The following FBXL18 variants were observed in gnomAD, a reference collection of about 807,000 sequenced individuals.
FBXL18 encodes the protein F-box and leucine rich repeat protein 18.
FBXL18 carries 36 observed loss-of-function variants against 46.0 expected under a neutral mutation model. That is an observed-to-expected ratio of 0.78 (90% CI 0.60 to 1.03). The LOEUF (loss-of-function observed/expected upper bound fraction) is 1.03, where lower values mean the gene tolerates loss of function less well. Among genes scored for constraint, FBXL18 ranks in the 50% least tolerant of loss-of-function variants. The probability of loss-of-function intolerance (pLI) is 0.00; values close to 1 mark genes in which losing one functional copy is unlikely to be tolerated. For synonymous variants in FBXL18, 557 were observed against 465.3 expected (o/e 1.20, Z -2.54); for missense variants, 977 against 1,004.1 (o/e 0.97, Z 0.36).
chr7:5,474,617 G>A (rs987383020), downstream of FBXL18, among the ~76,000 whole-genome samples: 6 of 151,458 alleles, frequency 4.0e-5, no homozygotes, highest in Non-Finnish European at 7.4e-5. Context: ...CCCCCAGCTT[G>A]AACTATGCAC....
intron 4 of FBXL18, among the ~76,000 whole-genome samples, chr7:5,463,347 C>T (rs916606447): frequency 8.6e-5 from 13 of 151,894 alleles, no homozygotes; most frequent in Non-Finnish European, 1.8e-4. Flanking sequence ...AGGGCTGGGG[C>T]AGTGGCTCAG....
intron 1 of FBXL18, among the ~76,000 whole-genome samples, chr7:5,511,247 T>C (rs894906033): frequency 6.6e-6 from 1 of 151,640 alleles, no homozygotes; most frequent in Non-Finnish European, 1.5e-5. Context: ...CCATCCTGGC[T>C]AACACGGTGA....
rs749820679 is a variant in FBXL18, at chr7:5,501,524, G to A, written c.745C>T (p.Leu249Phe). The part of the protein sequence containing the change: ...PGYINQEVVR[L>F]YLAVLSDRTP... ...CGGTCGCTAAGCACAGCCAGGTAGA[G>A]CCGCACCACCTCCTGGTTGATGTAG... Residue 249 changes from leucine (L) to phenylalanine (F), a missense_variant, in exon 3 of 5, where the codon CTC becomes TTC. Leu to Phe is a conservative substitution (Grantham distance 22). Coordinates refer to ENST00000382368, the MANE Select transcript of FBXL18 (RefSeq NM_024963.6). The A allele has an allele frequency of 1.2e-6, 2 of 1,613,964 alleles. No homozygotes were observed. Among genetic ancestry groups the A allele is most frequent in the Non-Finnish European group, 1.7e-6 (2 of 1,180,018 alleles).
intron 4 of FBXL18, among the ~76,000 whole-genome samples, chr7:5,485,694 G>C (rs978723918): frequency 1.3e-5 from 2 of 152,090 alleles, no homozygotes; most frequent in Non-Finnish European, 2.9e-5. Flanking sequence ...GATCATCTGA[G>C]GTCGGGAGTT....
intron 4 of FBXL18, among the ~76,000 whole-genome samples, chr7:5,470,693 CCTTCCCGGGGGGGAGATG>C (rs1327962590): frequency 0.015 from 411 of 27,558 alleles, no homozygotes; most frequent in African/African-American, 0.058. Context: ...TGCCCCCTCC[CCTTCCCGGGGGGGAGATG>C]TCCCCTTCCC....
chr7:5,481,769 C>T lies in FBXL18; in HGVS notation c.*6G>A, dbSNP rs746423166. On this transcript the variant is annotated 3_prime_UTR_variant, in exon 5 of 5. Transcript: ENST00000382368. ...GACTGAGACCGATGGGCGGCGGCTC[C>T]GCCTCTCACCACCACAGGTTCGGCG... 9 of 1,613,020 alleles carry T rather than the reference C, an allele frequency of 5.6e-6. No homozygotes were observed. Among genetic ancestry groups the T allele is most frequent in the Admixed American group, 1.7e-5 (1 of 59,962 alleles).
rs770729522 is a variant in FBXL18 at position 5,481,924 on chromosome 7, C to T, written c.2008G>A (p.Ala670Thr). 3 of 1,603,738 alleles carry T rather than the reference C, an allele frequency of 1.9e-6. No homozygotes were observed. Among genetic ancestry groups the T allele is most frequent in the Non-Finnish European group, 2.6e-6 (3 of 1,174,140 alleles). The change falls in exon 5 of 5, where the codon GCC becomes ACC. Residue 670 changes from alanine to threonine, a missense_variant. Ala to Thr is a moderately conservative substitution (Grantham distance 58, BLOSUM62 0). Coordinates refer to ENST00000382368, the MANE Select transcript of FBXL18 (RefSeq NM_024963.6). ...LQQSLLRSFQ[A>T]ERPALNVVIF... ...ACGACGTTTAACGCGGGCCGCTCGG[C>T]CTGGAAGCTGAACCAGAGACAGGCG...
chr7:5,489,225 G>C, intron 4 of FBXL18: 1 of 518,264 alleles, frequency 1.9e-6, no homozygotes, highest in South Asian at 1.4e-5. Context: ...AGGACTCCAC[G>C]GTGTAGTGTT....
rs369144884 is a variant in FBXL18, at chr7:5,505,399, C to G, written c.237+13G>C. 164 of 1,612,638 alleles carry G rather than the reference C, an allele frequency of 1.0e-4. No homozygotes were observed. The highest frequency in any genetic ancestry group is 3.3e-4 in the Middle Eastern group (2 of 6,074). On this transcript the variant is annotated intron_variant, in intron 2 of 4. Coordinates refer to ENST00000382368, the MANE Select transcript of FBXL18 (RefSeq NM_024963.6). Reference sequence around the variant, plus strand: ...TAGCTTGTTTCTCATCTCCTGCCCCCACGCCTGCTCACCTGATAGTCCTTT... The same window carrying G: ...TAGCTTGTTTCTCATCTCCTGCCCCGACGCCTGCTCACCTGATAGTCCTTT...
chr7:5,499,831 G>A (rs1784184752), intron 3 of FBXL18, among the ~76,000 whole-genome samples: 1 of 151,826 alleles, frequency 6.6e-6, no homozygotes, highest in African/African-American at 2.4e-5. Context: ...AGGCCGAGAT[G>A]GAGGATCACT....
downstream of FBXL18, among the ~76,000 whole-genome samples, chr7:5,474,005 C>T (rs1783468242): frequency 6.6e-6 from 1 of 151,948 alleles, no homozygotes; most frequent in South Asian, 2.1e-4. Flanking sequence ...CCATGTTGGT[C>T]AGGCTGGTCT....
intron 1 of FBXL18, among the ~76,000 whole-genome samples, chr7:5,511,953 G>A (rs1784545735): frequency 6.6e-6 from 1 of 151,668 alleles, no homozygotes; most frequent in Non-Finnish European, 1.5e-5. Context: ...AATAAAGAAT[G>A]GGCCGGGCAC....
Position 5,455,039 on chromosome 7 carries a change from C to G in FBXL18, c.2001-7196G>C, listed in dbSNP as rs550447814. Among the ~76,000 whole-genome samples, 1 of 152,228 alleles carries G rather than the reference C, an allele frequency of 6.6e-6. No individual in the cohort carries two copies. The highest frequency in any genetic ancestry group is 1.5e-5 in the Non-Finnish European group (1 of 68,040). ...AAGAGTGATCCCAGTCACACTGGCACTCCGAGTGCCACCTTCCACGCCGTC... is the reference window on the plus strand; with the variant it reads ...AAGAGTGATCCCAGTCACACTGGCAGTCCGAGTGCCACCTTCCACGCCGTC... On this transcript the variant is annotated intron_variant and NMD_transcript_variant, in intron 4 of 6. Transcript: ENST00000415009. The surrounding 1 kb of genome is among the most constrained non-coding windows in gnomAD (Gnocchi z 4.6).
At chr7:5,464,250 A>T (rs945701410) in intron 4 of FBXL18, among the ~76,000 whole-genome samples, 2 of 151,734 alleles carry the variant, frequency 1.3e-5, no homozygotes, top group Non-Finnish European at 2.9e-5. Flanking sequence ...AGGCCGAGGC[A>T]GGCGGATCAC....
chr7:5,497,491 C>T (rs1784112827), intron 3 of FBXL18, among the ~76,000 whole-genome samples: 1 of 152,170 alleles, frequency 6.6e-6, no homozygotes, highest in African/African-American at 2.4e-5. Context: ...TGGGTTTGAT[C>T]CTGCGCTTCT....
chr7:5,513,523 T>C, intron 1 of FBXL18, 134 bp downstream of exon 1: 1 of 1,005,134 alleles, frequency 9.9e-7, no homozygotes, highest in South Asian at 1.4e-5. Flanking sequence ...AAGGCCAGGG[T>C]CAGGATGGGA....
At chr7:5,484,246 T>C (rs920529530) in intron 4 of FBXL18, among the ~76,000 whole-genome samples, 1 of 151,768 alleles carries the variant, frequency 6.6e-6, no homozygotes, top group Admixed American at 6.6e-5. Flanking sequence ...GGCGGGTGGA[T>C]CACGAGGTCA....
At position 5,455,409 on chromosome 7, in the gene FBXL18, G is replaced by A. The variant is rs2128230365; in HGVS notation, c.2001-7566C>T. On this transcript the variant is annotated intron_variant and NMD_transcript_variant, in intron 4 of 6. Coordinates refer to the FBXL18 transcript ENST00000415009. This position sits in a 1 kb window ranked among gnomAD's most constrained non-coding sequence, Gnocchi z 4.6. ...GGGAAGTACTCTAGGGAGTACTCTT[G>A]GGGAGCCTATCTGGGGAGTAGCATC... is the stretch of plus-strand genomic sequence containing the variant. Among the ~76,000 whole-genome samples the A allele has an allele frequency of 6.6e-6, 1 of 152,018 alleles. No homozygotes were observed. Among genetic ancestry groups the A allele is most frequent in the African/African-American group, 2.4e-5 (1 of 41,456 alleles).
At chr7:5,460,105 T>A (rs1280428714) in intron 4 of FBXL18, among the ~76,000 whole-genome samples, 1 of 151,584 alleles carries the variant, frequency 6.6e-6, no homozygotes, top group Admixed American at 6.6e-5. Context: ...ACAAAAAAAA[T>A]AAGCCAAGTG....
Sources: gnomAD v4.1 joint callset for allele counts (sites outside exome capture counted in the v4.1 genomes callset) on GRCh38, gnomAD v4.1.1 for gene constraint, Gnocchi (gnomAD v3.1) non-coding constraint, MANE v1.5 for transcripts, NCBI Gene and HGNC (gene_info 2026-07-23, HGNC 2026-07-21) for gene names.